TAGAP: variants seen among roughly 807,000 people sequenced by gnomAD.
TAGAP encodes T-cell activation Rho GTPase-activating protein.
In TAGAP, 16 loss-of-function variants were observed where a neutral mutation model predicts 36.0. That is an observed-to-expected ratio of 0.44 (90% confidence interval 0.30 to 0.68). The LOEUF is 0.68. TAGAP is among the 30% of genes least tolerant of loss of function. The pLI, the probability that TAGAP is intolerant of heterozygous loss-of-function variation, is 0.09. For missense variants in TAGAP, 794 were observed against 921.5 expected (o/e 0.86, Z 1.79); for synonymous variants, 372 against 377.4 (o/e 0.99, Z 0.17).
Position 159,035,926 on chromosome 6 carries a change from C to T in TAGAP, c.2097G>A (p.Glu699=). 2 of 1,614,200 alleles carry T rather than the reference C, an allele frequency of 1.2e-6. No homozygotes were observed. The highest frequency in any genetic ancestry group is 3.3e-4 in the Middle Eastern group (2 of 6,062). Reference sequence around the variant, plus strand: ...AGTCCCGCTTATTCCTCTGCACGGACTCGGAGACGGTCCTCAGCGGGAGGA... The same window carrying T: ...AGTCCCGCTTATTCCTCTGCACGGATTCGGAGACGGTCCTCAGCGGGAGGA... The part of the protein sequence containing the change: ...PELLPLRTVS[E]SVQRNKRDCL... The change falls in exon 10 of 10, where the codon GAG becomes GAA. Residue 699 remains glutamate, a synonymous_variant. Coordinates refer to ENST00000367066, the MANE Select transcript of TAGAP (RefSeq NM_054114.5).
chr6:159,038,060 G>T, intron 9 of TAGAP, 54 bp downstream of exon 9: 2 of 1,173,272 alleles, frequency 1.7e-6, no homozygotes, highest in Non-Finnish European at 2.5e-6. Context: ...ATGACTGGCA[G>T]ACTGGCATGA....
rs1255504897 is a variant in TAGAP at position 159,041,952 on chromosome 6, T to C, written c.315+126A>G. 3 of 1,079,296 alleles carry C rather than the reference T, an allele frequency of 2.8e-6. No individual in the cohort carries two copies. The highest frequency in any genetic ancestry group is 2.7e-6 in the Non-Finnish European group (2 of 739,782). 66.9% of individuals were successfully genotyped at this position (1,079,296 alleles called of 1,614,324 possible). A position where few individuals can be genotyped will look rare whatever the true frequency, so the allele number is the denominator to read the frequency against. The stretch of plus-strand genomic sequence containing the variant: ...GCACGCGTATGTGGGAGTGCCATGT[T>C]GAAGAGTGGAAAATATGGAAGATCA... On this transcript the variant is annotated intron_variant, in intron 5 of 9. Coordinates refer to ENST00000367066, the MANE Select transcript of TAGAP (RefSeq NM_054114.5). The surrounding 1 kb of genome is among the most constrained non-coding windows in gnomAD (Gnocchi z 4.1).
intron 8 of TAGAP, 110 bp from the exon 9 acceptor site, chr6:159,038,338 C>G: frequency 1.7e-6 from 1 of 599,872 alleles, no homozygotes; most frequent in Non-Finnish European, 2.9e-6. Flanking sequence ...AAATGAGAAT[C>G]TGAGATCTTT....
Position 159,041,095 on chromosome 6 carries a change from G to A in TAGAP, c.477+259C>T. 1.7e-6 allele frequency: 1 copy of A among 589,624 alleles called. No individual in the cohort carries two copies. The highest frequency in any genetic ancestry group is 2.3e-5 in the South Asian group (1 of 43,322). 36.5% of individuals were successfully genotyped at this position (589,624 alleles called of 1,614,324 possible). A position where few individuals can be genotyped will look rare whatever the true frequency, so the allele number is the denominator to read the frequency against. On this transcript the variant is annotated intron_variant, in intron 6 of 9. Coordinates refer to ENST00000367066, the MANE Select transcript of TAGAP (RefSeq NM_054114.5). The surrounding 1 kb of genome is among the most constrained non-coding windows in gnomAD (Gnocchi z 4.1). ...AGGGGCCACTGGATTTTGACGTATG[G>A]ATTCTGCCACGGAACAATCAAATTG...
At chr6:159,042,435 C>T in intron 4 of TAGAP, 191 bp from the exon 5 acceptor site, 1 of 1,316,468 alleles carries the variant, frequency 7.6e-7, no homozygotes, top group Non-Finnish European at 9.9e-7. Context: ...CGATAAACAA[C>T]CACACTGTTA....
At chr6:159,043,853 A>G (rs779407989) in intron 3 of TAGAP, 125 bp downstream of exon 3, 3 of 1,004,272 alleles carry the variant, frequency 3.0e-6, no homozygotes, top group Non-Finnish European at 4.5e-6. Flanking sequence ...TGCTTAATTT[A>G]CTACATGTGT....
At chr6:159,044,272 G>T in intron 1 of TAGAP, 68 bp from the exon 2 acceptor site, 1 of 926,440 alleles carries the variant, frequency 1.1e-6, no homozygotes, top group Non-Finnish European at 1.6e-6. Context: ...GCGCCACTTT[G>T]CCAAAGCACA....
chr6:159,043,532 C>G, intron 4 of TAGAP, 57 bp downstream of exon 4: 1 of 1,562,640 alleles, frequency 6.4e-7, no homozygotes, highest in Non-Finnish European at 8.8e-7. Context: ...GTTTTGCAAA[C>G]CAAGAGCACT....
At position 159,040,799 on chromosome 6, in the gene TAGAP, A is replaced by G; in HGVS notation, c.511T>C (p.Ser171Pro). The G allele has an allele frequency of 6.2e-7, 1 of 1,614,128 alleles. No homozygotes were observed. The highest frequency in any genetic ancestry group is 1.1e-5 in the South Asian group (1 of 91,076). Residue 171 changes from serine (S) to proline (P), a missense_variant, in exon 7 of 10, where the codon TCA becomes CCA. Physicochemically the swap from Ser to Pro is moderately conservative, Grantham distance 74. Transcript: ENST00000367066. ...FLRSIPRKLL[S>P]SDLFEEWMGA... ...ATCCACTCCTCAAAGAGGTCGCTTG[A>G]AAGTAGCTTCCGGGGGATACTTCTG...
At chr6:159,043,313 C>A (rs1779820575) in intron 4 of TAGAP, among the ~76,000 whole-genome samples, 1 of 152,184 alleles carries the variant, frequency 6.6e-6, no homozygotes, top group African/African-American at 2.4e-5. Flanking sequence ...TGTGTGCATG[C>A]TAATTGTCGA....
In TAGAP at chr6:159,036,666, G is replaced by T; in HGVS notation, c.1357C>A (p.Arg453=). ...KNLAPGSVLP[R]ALVLKAFSSS... ...GAGAAGGCTTTGAGAACCAGTGCCC[G>T]CGGGAGCACCGAACCCGGGGCCAAG... Residue 453 remains arginine, a synonymous_variant, in exon 10 of 10, where the codon CGG becomes AGG. Transcript: ENST00000367066. The surrounding 1 kb of genome is among the most constrained non-coding windows in gnomAD (Gnocchi z 4.9). 1 of 1,613,994 alleles carries T rather than the reference G, an allele frequency of 6.2e-7. No individual in the cohort carries two copies. Among genetic ancestry groups the T allele is most frequent in the Non-Finnish European group, 8.5e-7 (1 of 1,179,868 alleles).
chr6:159,040,050 C>T (rs1055610092), intron 7 of TAGAP, among the ~76,000 whole-genome samples: 13 of 152,154 alleles, frequency 8.5e-5, no homozygotes, highest in Non-Finnish European at 1.8e-4. Flanking sequence ...AAGTATTTAG[C>T]CATGTGGGAC....
chr6:159,041,736 A>G lies in TAGAP; in HGVS notation c.316-221T>C, dbSNP rs1779759150. On this transcript the variant is annotated intron_variant, in intron 5 of 9. Transcript: ENST00000367066. The surrounding 1 kb of genome is among the most constrained non-coding windows in gnomAD (Gnocchi z 4.1). The stretch of plus-strand genomic sequence containing the variant: ...GAGCTCTCTCCTTTCAAATACTTCC[A>G]TATGAACATTGGATTTCAGATCACA... The G allele has an allele frequency of 1.8e-6, 1 of 568,352 alleles. No individual in the cohort carries two copies. The highest frequency in any genetic ancestry group is 3.0e-6 in the Non-Finnish European group (1 of 328,100). The allele number at this position is 568,352 out of a possible 1,614,324, so 35.2% of individuals were successfully genotyped here. A position where few individuals can be genotyped will look rare whatever the true frequency, so the allele number is the denominator to read the frequency against.
chr6:159,044,658 T>C (rs2114804214), intron 1 of TAGAP, among the ~76,000 whole-genome samples: 1 of 151,242 alleles, frequency 6.6e-6, no homozygotes, highest in African/African-American at 2.4e-5. Flanking sequence ...AACATATCCC[T>C]AGGATGCTAA....
rs536883027 is a variant in TAGAP, at chr6:159,041,930, C to T, written c.315+148G>A. 9.2e-5 allele frequency: 77 copies of T among 839,498 alleles called. No homozygotes were observed. The Admixed American group carries it at 1.0e-3, about 11-fold the overall frequency. The allele number at this position is 839,498 out of a possible 1,614,324, so 52.0% of individuals were successfully genotyped here. A position where few individuals can be genotyped will look rare whatever the true frequency, so the allele number is the denominator to read the frequency against. ...GCAGTCAGATATTCTTCTGACTGCACGCGTATGTGGGAGTGCCATGTTGAA... is the reference window on the plus strand; with the variant it reads ...GCAGTCAGATATTCTTCTGACTGCATGCGTATGTGGGAGTGCCATGTTGAA... On this transcript the variant is annotated intron_variant, in intron 5 of 9. Coordinates refer to ENST00000367066, the MANE Select transcript of TAGAP (RefSeq NM_054114.5). The surrounding 1 kb of genome is among the most constrained non-coding windows in gnomAD (Gnocchi z 4.1).
chr6:159,037,930 G>A lies in TAGAP; in HGVS notation c.898+184C>T, dbSNP rs1374176216. ...AAGACTATCTGTGGTCTGAGGAGGC[G>A]CTGCAGGAAAAGCCCGGAGCAGGGT... is the stretch of plus-strand genomic sequence containing the variant. On this transcript the variant is annotated intron_variant, in intron 9 of 9. Coordinates refer to ENST00000367066, the MANE Select transcript of TAGAP (RefSeq NM_054114.5). This position sits in a 1 kb window ranked among gnomAD's most constrained non-coding sequence, Gnocchi z 5.1. Among the ~76,000 whole-genome samples the A allele has an allele frequency of 2.6e-5, 4 of 152,152 alleles. No individual in the cohort carries two copies. The highest frequency in any genetic ancestry group is 1.9e-4 in the East Asian group (1 of 5,196).
chr6:159,042,434 A>C (rs1400161585), intron 4 of TAGAP, 190 bp from the exon 5 acceptor site: 2 of 1,316,082 alleles, frequency 1.5e-6, no homozygotes, highest in African/African-American at 3.0e-5. Context: ...CCGATAAACA[A>C]CCACACTGTT....
At chr6:159,044,355 A>G (rs1462332665) in intron 1 of TAGAP, among the ~76,000 whole-genome samples, 151 bp from the exon 2 acceptor site, 1 of 152,216 alleles carries the variant, frequency 6.6e-6, no homozygotes, top group African/African-American at 2.4e-5. Flanking sequence ...AAAAACTATT[A>G]CATAGACAAG....
rs1292072747 is a variant in TAGAP, at chr6:159,035,244, T to A, written c.*583A>T. On this transcript the variant is annotated 3_prime_UTR_variant, in exon 10 of 10. Coordinates refer to ENST00000367066, the MANE Select transcript of TAGAP (RefSeq NM_054114.5). ...TCATGATTTTTGCTACGGCCCCAGC[T>A]TTTACTGGAGTTTTTAATGCCTTTG... The A allele has an allele frequency of 6.6e-6, 1 of 152,300 alleles. No individual in the cohort carries two copies. The highest frequency in any genetic ancestry group is 1.5e-5 in the Non-Finnish European group (1 of 68,014). The allele number at this position is 152,300 out of a possible 1,614,324, so 9.4% of individuals were successfully genotyped here. A position where few individuals can be genotyped will look rare whatever the true frequency, so the allele number is the denominator to read the frequency against.
Sources: allele counts gnomAD v4.1 joint callset (sites outside exome capture counted in the v4.1 genomes callset), GRCh38; gene constraint gnomAD v4.1.1; non-coding constraint Gnocchi (gnomAD v3.1); transcripts MANE v1.5; gene names NCBI Gene and HGNC (gene_info 2026-07-23, HGNC 2026-07-21).